ZC3H6: variants seen among roughly 807,000 people sequenced by gnomAD.
The protein encoded by ZC3H6 is zinc finger CCCH domain-containing protein 6.
In ZC3H6, 40 loss-of-function variants were observed where a neutral mutation model predicts 107.7. The observed-to-expected ratio is 0.37, with a 90% CI of 0.29 to 0.48. The LOEUF (loss-of-function observed/expected upper bound fraction) is 0.48, where lower values mean the gene tolerates loss of function less well. Ranked by LOEUF, ZC3H6 falls within the 20% of genes least tolerant of loss-of-function variation. The pLI is 0.98. For synonymous variants in ZC3H6, 493 were observed against 487.9 expected (o/e 1.01, Z -0.14); for missense variants, 1,267 against 1,410.4 (o/e 0.90, Z 1.63).
At chr2:112,326,351 C>T (rs917013809) in intron 11 of ZC3H6, among the ~76,000 whole-genome samples, 3 of 152,140 alleles carry the variant, frequency 2.0e-5, no homozygotes, top group Admixed American at 2.0e-4. Context: ...TCCCCACTTC[C>T]TCCCTATCTG....
intron 5 of ZC3H6, chr2:112,312,240 AATC>A (rs1558953096): frequency 1.9e-5 from 4 of 208,284 alleles, no homozygotes; most frequent in African/African-American, 4.6e-5. Context: ...CTTTCCTAGG[AATC>A]ATCTTCCCCA....
intron 11 of ZC3H6, among the ~76,000 whole-genome samples, chr2:112,326,615 TG>T (rs1260216023): frequency 6.6e-6 from 1 of 152,130 alleles, no homozygotes; most frequent in Non-Finnish European, 1.5e-5. Context: ...GTCTGTTTTT[TG>T]TTTTGTTTTG....
chr2:112,332,493 T>C lies in ZC3H6; in HGVS notation c.*5T>C. 1 of 1,594,776 alleles carries C rather than the reference T, an allele frequency of 6.3e-7. No individual in the cohort carries two copies. The highest frequency in any genetic ancestry group is 8.5e-7 in the Non-Finnish European group (1 of 1,171,644). ...ACTGCTTCACCATTTTGTTAGCTAT[T>C]GTGTAACTGAGCAATTCTTTTCACT... is the stretch of plus-strand genomic sequence containing the variant. On this transcript the variant is annotated 3_prime_UTR_variant, in exon 12 of 12. Coordinates refer to ENST00000409871, the MANE Select transcript of ZC3H6 (RefSeq NM_198581.3).
rs188338519 is a variant in ZC3H6 at position 112,338,887 on chromosome 2, A to G, written c.*6399A>G. 160 of 28,060 alleles carry G rather than the reference A, an allele frequency of 5.7e-3. 11 individuals are homozygous for G. In the South Asian group the frequency reaches 0.1, roughly 18 times the overall value. The allele number at this position is 28,060 out of a possible 1,614,324, so 1.7% of individuals were successfully genotyped here. ...TATATATATATATATATATATATATATATATATATATATATATATATATAT... is the reference window on the plus strand; with the variant it reads ...TATATATATATATATATATATATATGTATATATATATATATATATATATAT... On this transcript the variant is annotated 3_prime_UTR_variant, in exon 12 of 12. Coordinates refer to ENST00000409871, the MANE Select transcript of ZC3H6 (RefSeq NM_198581.3).
At chr2:112,283,274 A>C (rs1328932499) in intron 1 of ZC3H6, among the ~76,000 whole-genome samples, 4 of 152,164 alleles carry the variant, frequency 2.6e-5, no homozygotes, top group Admixed American at 2.0e-4. Flanking sequence ...TACTCTTGGC[A>C]AAAAGCAAGC....
Position 112,336,992 on chromosome 2 carries a change from T to TG in ZC3H6, c.*4505dup, listed in dbSNP as rs1677145584. 6.6e-6 allele frequency: 1 copy of TG among 152,178 alleles called. No individual in the cohort carries two copies. The highest frequency in any genetic ancestry group is 1.5e-5 in the Non-Finnish European group (1 of 68,030). 9.4% of individuals were successfully genotyped at this position (152,178 alleles called of 1,614,324 possible). On this transcript the variant is annotated 3_prime_UTR_variant, in exon 12 of 12. Coordinates refer to ENST00000409871, the MANE Select transcript of ZC3H6 (RefSeq NM_198581.3). ...TCCATCCAAATGTCACTTTTACAGATGCTGTCACCCGTTAAACAGGTGTGG... is the reference window on the plus strand; with the variant it reads ...TCCATCCAAATGTCACTTTTACAGATGGCTGTCACCCGTTAAACAGGTGTGG...
chr2:112,336,390 A>G lies in ZC3H6; in HGVS notation c.*3902A>G, dbSNP rs1677136684. 6.6e-6 allele frequency: 1 copy of G among 152,210 alleles called. No individual in the cohort carries two copies. The highest frequency in any genetic ancestry group is 2.1e-4 in the South Asian group (1 of 4,834). The allele number at this position is 152,210 out of a possible 1,614,324, so 9.4% of individuals were successfully genotyped here. A position where few individuals can be genotyped will look rare whatever the true frequency, so the allele number is the denominator to read the frequency against. On this transcript the variant is annotated 3_prime_UTR_variant, in exon 12 of 12. Coordinates refer to ENST00000409871, the MANE Select transcript of ZC3H6 (RefSeq NM_198581.3). ...ATTGAGCTTTCTGTTAATTTCTTGA[A>G]TTATCTTTTCAAAAATGGTTTGGCA...
chr2:112,286,667 G>T (rs1198059572), intron 1 of ZC3H6, among the ~76,000 whole-genome samples: 1 of 152,184 alleles, frequency 6.6e-6, no homozygotes, highest in Non-Finnish European at 1.5e-5. Flanking sequence ...TGAGCCTCCT[G>T]GGCTCAAGTG....
chr2:112,295,046 C>T (rs1676206701), intron 1 of ZC3H6, among the ~76,000 whole-genome samples: 1 of 152,102 alleles, frequency 6.6e-6, no homozygotes, highest in Non-Finnish European at 1.5e-5. Flanking sequence ...TTCACCACTC[C>T]ACAAAGTAAC....
chr2:112,293,863 C>G (rs1364633243), intron 1 of ZC3H6, among the ~76,000 whole-genome samples: 1 of 152,178 alleles, frequency 6.6e-6, no homozygotes. Context: ...CTCCTCATGT[C>G]CCTCATCCGC....
chr2:112,299,764 T>G (rs1172905274), intron 1 of ZC3H6, 85 bp from the exon 2 acceptor site: 7 of 1,073,916 alleles, frequency 6.5e-6, no homozygotes, highest in Non-Finnish European at 7.4e-6. Flanking sequence ...CATAAATCCT[T>G]GGCATATGCT....
chr2:112,280,452 A>G (rs969214176), intron 1 of ZC3H6, among the ~76,000 whole-genome samples: 2 of 152,166 alleles, frequency 1.3e-5, no homozygotes, highest in African/African-American at 4.8e-5. Flanking sequence ...AATTTCATTC[A>G]TTACATTTTC....
chr2:112,312,719 A>T (rs1676615886), intron 5 of ZC3H6, among the ~76,000 whole-genome samples: 1 of 151,992 alleles, frequency 6.6e-6, no homozygotes, highest in Non-Finnish European at 1.5e-5. Flanking sequence ...AATTTGTCGG[A>T]TGTGGTGGTG....
intron 1 of ZC3H6, among the ~76,000 whole-genome samples, chr2:112,299,202 G>A (rs374469730): frequency 3.3e-5 from 5 of 151,748 alleles, no homozygotes; most frequent in South Asian, 4.2e-4. Context: ...GCGTGAACCC[G>A]GGAGGCGGAG....
chr2:112,330,032 G>A (rs1047139131), intron 11 of ZC3H6, among the ~76,000 whole-genome samples: 4 of 151,560 alleles, frequency 2.6e-5, no homozygotes, highest in Non-Finnish European at 5.9e-5. Flanking sequence ...TTCTCATAAA[G>A]TATGTAAGTT....
intron 1 of ZC3H6, among the ~76,000 whole-genome samples, chr2:112,285,307 G>C (rs1296039386): frequency 1.3e-5 from 2 of 151,476 alleles, no homozygotes; most frequent in Non-Finnish European, 2.9e-5. Flanking sequence ...TTCATTCCAA[G>C]TTTTATGTAA....
rs1310529244 is a variant in ZC3H6, at chr2:112,338,386, A to T, written c.*5898A>T. On this transcript the variant is annotated 3_prime_UTR_variant, in exon 12 of 12. Transcript: ENST00000409871. ...ATTTGACTCTAATTTTGGGTCTTGT[A>T]TCTGGTCTTTAAACACCTTTCGTTA... is the stretch of plus-strand genomic sequence containing the variant. The T allele has an allele frequency of 6.6e-6, 1 of 152,178 alleles. No individual in the cohort carries two copies. Among genetic ancestry groups the T allele is most frequent in the Admixed American group, 6.5e-5 (1 of 15,282 alleles). The allele number at this position is 152,178 out of a possible 1,614,324, so 9.4% of individuals were successfully genotyped here. A position where few individuals can be genotyped will look rare whatever the true frequency, so the allele number is the denominator to read the frequency against.
chr2:112,309,766 CTAATAA>C, intron 3 of ZC3H6, 113 bp from the exon 4 acceptor site: 1 of 972,326 alleles, frequency 1.0e-6, no homozygotes, highest in South Asian at 1.8e-5. Flanking sequence ...AGAGTCAGAA[CTAATAA>C]CTGTCTTTTC....
At chr2:112,293,072 CAA>C (rs745437937) in intron 1 of ZC3H6, among the ~76,000 whole-genome samples, 2 of 152,000 alleles carry the variant, frequency 1.3e-5, no homozygotes, top group East Asian at 3.9e-4. Context: ...GTTTTAAGAA[CAA>C]AAGAGGAATT....
Sources: gnomAD v4.1 joint callset for allele counts (sites outside exome capture counted in the v4.1 genomes callset) on GRCh38, gnomAD v4.1.1 for gene constraint, MANE v1.5 for transcripts, NCBI Gene and HGNC (gene_info 2026-07-23, HGNC 2026-07-21) for gene names.